DTNB: variants seen among roughly 807,000 people sequenced by gnomAD.
DTNB encodes the protein DTN-B.
A neutral mutation model predicts 90.7 loss-of-function variants in DTNB; 63 were observed. The ratio of observed to expected loss-of-function variants is 0.69; its 90% CI spans 0.57 to 0.86. DTNB has a LOEUF of 0.86. Among genes scored for constraint, DTNB ranks in the 40% least tolerant of loss-of-function variants. DTNB has a pLI of 0.00. For synonymous variants in DTNB, 277 were observed against 286.7 expected (o/e 0.97, Z 0.34); for missense variants, 744 against 807.1 (o/e 0.92, Z 0.95).
At chr2:25,606,032 A>G (rs1282746013) in intron 5 of DTNB, among the ~76,000 whole-genome samples, 1 of 152,212 alleles carries the variant, frequency 6.6e-6, no homozygotes, top group Non-Finnish European at 1.5e-5. Flanking sequence ...CTTTCTTTGG[A>G]ATATCTAAAT....
At chr2:25,459,405 T>A (rs1054105562) in intron 10 of DTNB, among the ~76,000 whole-genome samples, 3 of 152,204 alleles carry the variant, frequency 2.0e-5, no homozygotes, top group Admixed American at 2.0e-4. Context: ...TCGGACGTTA[T>A]CCCTTTCAAC....
chr2:25,669,118 G>A (rs1402344831), intron 1 of DTNB, among the ~76,000 whole-genome samples: 2 of 152,172 alleles, frequency 1.3e-5, no homozygotes, highest in African/African-American at 2.4e-5. Context: ...CAGGCGCTGA[G>A]GGAAGAATGG....
intron 1 of DTNB, among the ~76,000 whole-genome samples, chr2:25,655,838 C>T (rs865860483): frequency 2.0e-5 from 3 of 152,216 alleles, no homozygotes; most frequent in Middle Eastern, 3.4e-3. Context: ...GCCTGACATA[C>T]ACGCCTGTCA....
chr2:25,591,778 C>T (rs2063617371), intron 6 of DTNB, among the ~76,000 whole-genome samples: 1 of 151,938 alleles, frequency 6.6e-6, no homozygotes, highest in African/African-American at 2.4e-5. Flanking sequence ...ATGCCCATCC[C>T]GGCCAGGTGC....
chr2:25,522,774 C>G (rs1340650713), intron 9 of DTNB, among the ~76,000 whole-genome samples: 1 of 149,930 alleles, frequency 6.7e-6, no homozygotes, highest in Non-Finnish European at 1.5e-5. Flanking sequence ...AATCTCGGCT[C>G]GCTGCAACCT....
chr2:25,484,484 A>T (rs1051569018), intron 9 of DTNB, among the ~76,000 whole-genome samples: 37 of 152,338 alleles, frequency 2.4e-4, no homozygotes, highest in African/African-American at 7.9e-4. Flanking sequence ...TCAAGGGGAA[A>T]TATTTCAGGG....
chr2:25,656,731 T>C (rs1446298353), intron 1 of DTNB, among the ~76,000 whole-genome samples: 1 of 152,200 alleles, frequency 6.6e-6, no homozygotes, highest in Non-Finnish European at 1.5e-5. Flanking sequence ...AGAAATCCAG[T>C]AGGCACGTTT....
intron 16 of DTNB, among the ~76,000 whole-genome samples, chr2:25,417,377 A>G (rs1352423859): frequency 6.6e-6 from 1 of 152,230 alleles, no homozygotes; most frequent in African/African-American, 2.4e-5. Flanking sequence ...GCTCAAGGCT[A>G]GCTTTAAATT....
chr2:25,616,188 G>A (rs1271001878), intron 4 of DTNB, among the ~76,000 whole-genome samples: 1 of 152,176 alleles, frequency 6.6e-6, no homozygotes, highest in Non-Finnish European at 1.5e-5. Flanking sequence ...GTGTGGCAGA[G>A]TCCAGCACAC....
At chr2:25,610,001 T>C (rs926553294) in intron 4 of DTNB, among the ~76,000 whole-genome samples, 1 of 152,180 alleles carries the variant, frequency 6.6e-6, no homozygotes, top group African/African-American at 2.4e-5. Context: ...AACAGAAATC[T>C]CAAAAATAAT....
chr2:25,430,125 T>C (rs181147501), intron 14 of DTNB, among the ~76,000 whole-genome samples: 6 of 152,264 alleles, frequency 3.9e-5, no homozygotes, highest in Admixed American at 1.3e-4. Context: ...CTATATTATA[T>C]AGGTATTATA....
At chr2:25,539,748 T>C (rs1418325385) in intron 8 of DTNB, among the ~76,000 whole-genome samples, 1 of 152,136 alleles carries the variant, frequency 6.6e-6, no homozygotes, top group East Asian at 1.9e-4. Flanking sequence ...AGTAATTTTT[T>C]CCTTTATATT....
chr2:25,589,216 CG>C (rs1559142582), intron 6 of DTNB, among the ~76,000 whole-genome samples: 1 of 152,072 alleles, frequency 6.6e-6, no homozygotes, highest in East Asian at 1.9e-4. Context: ...CCACTGCCTC[CG>C]TGAATCAAGG....
At chr2:25,432,395 C>T (rs1476099308) in intron 14 of DTNB, among the ~76,000 whole-genome samples, 1 of 152,150 alleles carries the variant, frequency 6.6e-6, no homozygotes, top group African/African-American at 2.4e-5. Flanking sequence ...TTTCCTGATT[C>T]TTGAGACACT....
chr2:25,556,382 C>T (rs1333679798), intron 8 of DTNB, among the ~76,000 whole-genome samples: 3 of 152,108 alleles, frequency 2.0e-5, no homozygotes, highest in Admixed American at 6.5e-5. Context: ...AAGAGTTCTC[C>T]TCTGTACACC....
intron 9 of DTNB, among the ~76,000 whole-genome samples, chr2:25,520,841 T>G (rs2076011225): frequency 6.6e-6 from 1 of 152,164 alleles, no homozygotes; most frequent in Non-Finnish European, 1.5e-5. Context: ...TAGAACAAAT[T>G]AGAGCCACAT....
rs373219973 is a variant in DTNB, at chr2:25,455,409, C to T, written c.1165G>A (p.Ala389Thr). 4 of 1,596,160 alleles carry T rather than the reference C, an allele frequency of 2.5e-6. No homozygotes were observed. The African/African-American group carries it at 4.0e-5, about 16-fold the overall frequency. ...ASYVARLQHCARVLDSPSRLD... is the reference protein window; with the variant it reads ...ASYVARLQHCTRVLDSPSRLD... ...TGCTGCTGCACCACCACTGACCGTG[C>T]ACAGTGCTGCAGACGGGCCACATAG... The change falls in exon 11 of 21, where the codon GCA (alanine) becomes ACA (threonine). Residue 389 changes from alanine (A) to threonine (T), a missense_variant. By Grantham distance (58) the Ala-to-Thr change is moderately conservative. Coordinates refer to ENST00000406818, the MANE Select transcript of DTNB (RefSeq NM_021907.5).
intron 6 of DTNB, among the ~76,000 whole-genome samples, chr2:25,593,511 TTC>T (rs1466663359): frequency 6.6e-6 from 1 of 152,240 alleles, no homozygotes; most frequent in Non-Finnish European, 1.5e-5. Flanking sequence ...TGAGGGTTTT[TTC>T]TTTTTTAACA....
At chr2:25,671,608 T>C (rs1472801480) in intron 1 of DTNB, among the ~76,000 whole-genome samples, 2 of 152,216 alleles carry the variant, frequency 1.3e-5, no homozygotes, top group Non-Finnish European at 2.9e-5. Flanking sequence ...AAACAATAAG[T>C]TGAAATTCTC....
Sources: allele counts gnomAD v4.1 joint callset (sites outside exome capture counted in the v4.1 genomes callset), GRCh38; gene constraint gnomAD v4.1.1; transcripts MANE v1.5; gene names NCBI Gene and HGNC (gene_info 2026-07-23, HGNC 2026-07-21).